The following TCF4 variants were observed in gnomAD, a reference collection of about 807,000 sequenced individuals.
TCF4 encodes SL3-3 enhancer factor 2.
TCF4 carries 3 observed loss-of-function variants against 82.1 expected under a neutral mutation model. The ratio of observed to expected loss-of-function variants is 0.04; its 90% CI spans 0.02 to 0.09. The LOEUF (loss-of-function observed/expected upper bound fraction) is 0.09, where lower values mean the gene tolerates loss of function less well. Ranked by LOEUF, TCF4 falls within the 10% of genes least tolerant of loss-of-function variation. TCF4 has a pLI of 1.00. For synonymous variants in TCF4, 276 were observed against 309.6 expected (o/e 0.89, Z 1.14); for missense variants, 518 against 852.7 (o/e 0.61, Z 4.89).
intron 2 of TCF4, among the ~76,000 whole-genome samples, chr18:55,601,305 G>T (rs2097696661): frequency 6.6e-6 from 1 of 152,064 alleles, no homozygotes; most frequent in Non-Finnish European, 1.5e-5. Flanking sequence ...CTTCCAGAGG[G>T]CTCCTTGAAC....
upstream of TCF4, chr18:55,588,409 A>G: frequency 2.6e-6 from 4 of 1,534,034 alleles, no homozygotes; most frequent in South Asian, 1.2e-5. Flanking sequence ...AGGGGAAAAA[A>G]AAAAAATCTC....
intron 3 of TCF4, among the ~76,000 whole-genome samples, chr18:55,474,805 C>T (rs748728931): frequency 3.9e-5 from 6 of 152,058 alleles, no homozygotes; most frequent in East Asian, 3.9e-4. Context: ...GACAGGGTCT[C>T]GTTCTGTCAC....
At chr18:55,464,043 CTGGT>C in intron 4 of TCF4, 29 bp downstream of exon 4, 1 of 1,602,484 alleles carries the variant, frequency 6.2e-7, no homozygotes, top group Non-Finnish European at 8.5e-7. Flanking sequence ...TGTGGGATGT[CTGGT>C]TGTGGGAGAA....
At chr18:55,285,332 A>G (rs1295581609) in intron 8 of TCF4, among the ~76,000 whole-genome samples, 1 of 152,226 alleles carries the variant, frequency 6.6e-6, no homozygotes, top group Non-Finnish European at 1.5e-5. Flanking sequence ...TTATTTGTCA[A>G]ATGAACCATT....
chr18:55,278,267 T>C (rs1315331564), intron 9 of TCF4, among the ~76,000 whole-genome samples: 1 of 152,116 alleles, frequency 6.6e-6, no homozygotes, highest in Non-Finnish European at 1.5e-5. Flanking sequence ...ACATGGCCCT[T>C]CCTAGAGATG....
chr18:55,458,858 G>A (rs1263040244), intron 5 of TCF4, among the ~76,000 whole-genome samples: 2 of 151,736 alleles, frequency 1.3e-5, no homozygotes, highest in East Asian at 1.9e-4. Flanking sequence ...TGCATACCGC[G>A]CAATACCCTC....
At chr18:55,232,318 A>G in intron 17 of TCF4, 191 bp downstream of exon 17, 1 of 628,346 alleles carries the variant, frequency 1.6e-6, no homozygotes, top group Non-Finnish European at 2.7e-6. Flanking sequence ...AAATGCCAAA[A>G]CAGTTTAGGC....
At chr18:55,501,994 C>G (rs1281334674) in intron 3 of TCF4, among the ~76,000 whole-genome samples, 2 of 152,058 alleles carry the variant, frequency 1.3e-5, no homozygotes, top group Non-Finnish European at 2.9e-5. Flanking sequence ...CAGGCTGTAA[C>G]AATGGAAGGA....
At chr18:55,232,354 C>A (rs1193151097) in intron 17 of TCF4, 155 bp downstream of exon 17, 2 of 780,836 alleles carry the variant, frequency 2.6e-6, no homozygotes, top group Non-Finnish European at 4.1e-6. Context: ...GTATCTGAAA[C>A]GATACTTTTA....
At chr18:55,304,411 A>G (rs550039867) in intron 8 of TCF4, among the ~76,000 whole-genome samples, 7 of 152,354 alleles carry the variant, frequency 4.6e-5, no homozygotes, top group African/African-American at 1.7e-4. Context: ...AAAGTGCCTT[A>G]AGATACATAG....
chr18:55,602,333 C>G (rs1039020001), intron 2 of TCF4, among the ~76,000 whole-genome samples: 1 of 152,232 alleles, frequency 6.6e-6, no homozygotes, highest in Admixed American at 6.5e-5. Flanking sequence ...GCCCTCAACT[C>G]TCCTGCCCTT....
At chr18:55,351,366 C>G (rs1459446750) in intron 6 of TCF4, 2 of 242,852 alleles carry the variant, frequency 8.2e-6, no homozygotes. Context: ...CCTTCCTTAA[C>G]AAGAAGAACC....
In TCF4 at chr18:55,633,995, G is replaced by A. The variant is rs529521248; in HGVS notation, c.195+1708C>T. On this transcript the variant is annotated intron_variant, in intron 1 of 20. Coordinates refer to the TCF4 transcript ENST00000398339. This position sits in a 1 kb window ranked among gnomAD's most constrained non-coding sequence, Gnocchi z 4.0. ...CATAATACTATAATTTAGGCTGGGC[G>A]CAGTGGCTCACACCTGTAATCCCAG... 3.3e-4 allele frequency among the ~76,000 whole-genome samples: 50 copies of A among 152,294 alleles called. 2 individuals are homozygous for A. Among genetic ancestry groups the A allele is most frequent in the South Asian group, 1.9e-3 (9 of 4,824 alleles).
At chr18:55,531,162 G>A (rs1431353021) in intron 3 of TCF4, among the ~76,000 whole-genome samples, 4 of 151,644 alleles carry the variant, frequency 2.6e-5, no homozygotes, top group Non-Finnish European at 4.4e-5. Context: ...CCATGTTGGC[G>A]AGGCTGGTCT....
intron 8 of TCF4, among the ~76,000 whole-genome samples, chr18:55,315,578 C>T (rs910290110): frequency 3.9e-5 from 6 of 152,076 alleles, no homozygotes; most frequent in Non-Finnish European, 8.8e-5. Context: ...AATTCTCAAA[C>T]CACTTTCAAG....
chr18:55,438,303 G>C (rs1300639393), intron 5 of TCF4, among the ~76,000 whole-genome samples: 2 of 149,330 alleles, frequency 1.3e-5, no homozygotes, highest in Non-Finnish European at 3.0e-5. Flanking sequence ...TAGTCACTCA[G>C]CCATTGAGGT....
At chr18:55,588,448 C>T (rs1332038757), upstream of TCF4, 1 of 1,534,540 alleles carries the variant, frequency 6.5e-7, no homozygotes, top group Admixed American at 2.0e-5. Flanking sequence ...CCAAAAAATA[C>T]AAACGAAAAT....
chr18:55,337,193 C>G (rs1287074318), intron 8 of TCF4, among the ~76,000 whole-genome samples: 1 of 152,094 alleles, frequency 6.6e-6, no homozygotes, highest in Non-Finnish European at 1.5e-5. Context: ...CTCTCGAACT[C>G]TTAAGAGATA....
rs555892552 is a variant in TCF4, at chr18:55,422,125, CAAAAAAAAAAA to C, written c.305-18618_305-18608del. 1,803 of 323,430 alleles carry C rather than the reference CAAAAAAAAAAA, an allele frequency of 5.6e-3. 46 individuals are homozygous for C. The highest frequency in any genetic ancestry group is 0.051 in the African/African-American group (1,669 of 32,966). The allele number at this position is 323,430 out of a possible 1,614,324, so 20.0% of individuals were successfully genotyped here. ...CAAAAAAAAAAAAACCACTATCATC[CAAAAAAAAAAA>C]AAAAAAAAAAAACCCACCCTGAATA... On this transcript the variant is annotated intron_variant, in intron 5 of 19. Coordinates refer to ENST00000354452, the MANE Select transcript of TCF4 (RefSeq NM_001083962.2).
Sources: allele counts gnomAD v4.1 joint callset (sites outside exome capture counted in the v4.1 genomes callset), GRCh38; gene constraint gnomAD v4.1.1; non-coding constraint Gnocchi (gnomAD v3.1); transcripts MANE v1.5; gene names NCBI Gene and HGNC (gene_info 2026-07-23, HGNC 2026-07-21).